MAGI2: variants seen among roughly 807,000 people sequenced by gnomAD.
MAGI2 encodes membrane associated guanylate kinase, WW and PDZ domain containing 2, also known as membrane-associated guanylate kinase, WW and PDZ domain-containing protein 2.
A neutral mutation model predicts 133.3 loss-of-function variants in MAGI2; 35 were observed. The ratio of observed to expected loss-of-function variants is 0.26; its 90% confidence interval spans 0.20 to 0.35. The LOEUF (loss-of-function observed/expected upper bound fraction) is 0.35, where lower values mean the gene tolerates loss of function less well. Among genes scored for constraint, MAGI2 ranks in the 10% least tolerant of loss-of-function variants. The probability of loss-of-function intolerance (pLI) is 1.00; values close to 1 mark genes in which losing one functional copy is unlikely to be tolerated. For missense variants in MAGI2, 1,636 were observed against 1,863.4 expected (o/e 0.88, Z 2.25); for synonymous variants, 729 against 710.6 (o/e 1.03, Z -0.41).
At chr7:78,967,031 G>A (rs182902246) in intron 2 of MAGI2, among the ~76,000 whole-genome samples, 8 of 151,928 alleles carry the variant, frequency 5.3e-5, no homozygotes. Flanking sequence ...TTGAACTCCT[G>A]GGATTAAGCT....
chr7:79,142,306 A>C (rs981481324), intron 1 of MAGI2, among the ~76,000 whole-genome samples: 1 of 152,170 alleles, frequency 6.6e-6, no homozygotes, highest in Admixed American at 6.6e-5. Context: ...CCCTCTAATT[A>C]AAGTGTACAT....
chr7:79,145,606 G>T (rs1822544534), intron 1 of MAGI2, among the ~76,000 whole-genome samples: 1 of 151,958 alleles, frequency 6.6e-6, no homozygotes, highest in Non-Finnish European at 1.5e-5. Flanking sequence ...ATACATACTA[G>T]TTGCACTATC....
chr7:78,282,986 AAAT>A (rs1263121326), intron 9 of MAGI2, among the ~76,000 whole-genome samples: 6 of 152,098 alleles, frequency 3.9e-5, no homozygotes, highest in African/African-American at 1.4e-4. Context: ...TGAACTCAAG[AAAT>A]AATAAGATAT....
chr7:78,875,072 A>T (rs1278559369), intron 2 of MAGI2, among the ~76,000 whole-genome samples: 1 of 152,168 alleles, frequency 6.6e-6, no homozygotes, highest in Non-Finnish European at 1.5e-5. Flanking sequence ...AGAAGCAAAA[A>T]AGCTGCAGAA....
chr7:78,722,138 T>C (rs184463576), intron 2 of MAGI2, among the ~76,000 whole-genome samples: 11 of 151,466 alleles, frequency 7.3e-5, no homozygotes, highest in Admixed American at 7.2e-4. Flanking sequence ...ATATAGCTCA[T>C]TCTGCTCTTA....
At chr7:78,378,353 G>T (rs1794636112) in intron 6 of MAGI2, among the ~76,000 whole-genome samples, 2 of 151,920 alleles carry the variant, frequency 1.3e-5, no homozygotes, top group Admixed American at 1.3e-4. Flanking sequence ...TGTGATCCAA[G>T]AAAAATTTCC....
intron 3 of MAGI2, among the ~76,000 whole-genome samples, chr7:78,572,580 T>C (rs1378093806): frequency 1.3e-5 from 2 of 152,180 alleles, no homozygotes; most frequent in Non-Finnish European, 2.9e-5. Context: ...CAGAATTCCC[T>C]TACCTACCCC....
chr7:78,664,079 C>T (rs1813274143), intron 2 of MAGI2, among the ~76,000 whole-genome samples: 1 of 152,144 alleles, frequency 6.6e-6, no homozygotes. Context: ...ACAAAATATG[C>T]AAAGGCTACC....
chr7:78,805,160 CA>C (rs1391465553), intron 2 of MAGI2, among the ~76,000 whole-genome samples: 10 of 151,342 alleles, frequency 6.6e-5, no homozygotes, highest in Admixed American at 4.6e-4. Context: ...AATATCTAGG[CA>C]GGGGGATAGA....
chr7:78,529,007 T>C (rs1424196692), intron 3 of MAGI2, among the ~76,000 whole-genome samples: 1 of 152,058 alleles, frequency 6.6e-6, no homozygotes, highest in East Asian at 1.9e-4. Flanking sequence ...ATACATGGAA[T>C]TGAATTATTC....
intron 2 of MAGI2, among the ~76,000 whole-genome samples, chr7:78,739,087 T>C (rs999690904): frequency 6.6e-6 from 1 of 152,200 alleles, no homozygotes; most frequent in South Asian, 2.1e-4. Flanking sequence ...TCAGAGAGCA[T>C]TGATTGTTTT....
intron 2 of MAGI2, among the ~76,000 whole-genome samples, chr7:78,698,091 T>C (rs1017258562): frequency 6.6e-6 from 1 of 152,144 alleles, no homozygotes; most frequent in Non-Finnish European, 1.5e-5. Context: ...AGAATCTGAG[T>C]ATTCCTTTTT....
chr7:78,641,100 T>C (rs111624142), intron 2 of MAGI2, among the ~76,000 whole-genome samples: 35 of 152,276 alleles, frequency 2.3e-4, no homozygotes, highest in African/African-American at 8.4e-4. Context: ...AAGGACATGT[T>C]TGCTTCCCCT....
At chr7:78,860,154 A>G (rs1794031985) in intron 2 of MAGI2, among the ~76,000 whole-genome samples, 1 of 152,096 alleles carries the variant, frequency 6.6e-6, no homozygotes. Context: ...TCTTTTTTCA[A>G]GGTTTTTAGC....
chr7:78,948,669 A>T (rs867625392), intron 2 of MAGI2, among the ~76,000 whole-genome samples: 16 of 152,172 alleles, frequency 1.1e-4, no homozygotes, highest in African/African-American at 3.9e-4. Flanking sequence ...CATTAGAATC[A>T]ATAATAGAAA....
chr7:78,815,207 A>G (rs1046938246), intron 2 of MAGI2, among the ~76,000 whole-genome samples: 4 of 152,188 alleles, frequency 2.6e-5, no homozygotes, highest in Non-Finnish European at 5.9e-5. Flanking sequence ...GCTCATCTGC[A>G]TATATATCAC....
intron 6 of MAGI2, among the ~76,000 whole-genome samples, chr7:78,388,790 G>T (rs1394772184): frequency 6.6e-6 from 1 of 151,994 alleles, no homozygotes; most frequent in Non-Finnish European, 1.5e-5. Flanking sequence ...TTAAAGATAT[G>T]GCCTTTTTAA....
chr7:79,392,206 G>T (rs898121846), intron 1 of MAGI2, among the ~76,000 whole-genome samples: 1 of 152,104 alleles, frequency 6.6e-6, no homozygotes, highest in Non-Finnish European at 1.5e-5. Context: ...TTTTATGGCT[G>T]CATAGTATTC....
chr7:79,118,229 C>G (rs1819573304), intron 1 of MAGI2, among the ~76,000 whole-genome samples: 1 of 152,158 alleles, frequency 6.6e-6, no homozygotes. Flanking sequence ...ATTAATAGAA[C>G]TCCTTTGCAC....
Sources: allele counts gnomAD v4.1 joint callset (sites outside exome capture counted in the v4.1 genomes callset), GRCh38; gene constraint gnomAD v4.1.1; transcripts MANE v1.5; gene names NCBI Gene and HGNC (gene_info 2026-07-23, HGNC 2026-07-21).